RBFOX1: variants seen among roughly 807,000 people sequenced by gnomAD.
RBFOX1 encodes the protein RNA binding fox-1 homolog 1.
Under a neutral mutation model 57.7 loss-of-function variants are expected in RBFOX1, and 8 were observed. The ratio of observed to expected loss-of-function variants is 0.14; its 90% CI spans 0.08 to 0.25. RBFOX1 has a LOEUF of 0.25. RBFOX1 is among the 10% of genes least tolerant of loss of function. The probability of loss-of-function intolerance (pLI) is 1.00; values close to 1 mark genes in which losing one functional copy is unlikely to be tolerated. For synonymous variants in RBFOX1, 326 were observed against 222.4 expected (o/e 1.47, Z -4.15); for missense variants, 611 against 548.5 (o/e 1.11, Z -1.14).
intron 6 of RBFOX1, among the ~76,000 whole-genome samples, chr16:7,586,354 T>C (rs2094125983): frequency 6.6e-6 from 1 of 152,188 alleles, no homozygotes; most frequent in Non-Finnish European, 1.5e-5. Flanking sequence ...TGCCCCTAGT[T>C]CTAGAGCCCA....
intron 2 of RBFOX1, among the ~76,000 whole-genome samples, chr16:6,415,513 CA>C (rs1368290071): frequency 1.3e-5 from 2 of 151,756 alleles, no homozygotes; most frequent in East Asian, 3.9e-4. Flanking sequence ...CCAGCCTGGC[CA>C]ATATGATGAA....
intron 3 of RBFOX1, among the ~76,000 whole-genome samples, chr16:5,712,202 T>G (rs758448): frequency 3.9e-5 from 6 of 152,088 alleles, no homozygotes; most frequent in Non-Finnish European, 8.8e-5. Context: ...CCAGGTCCCT[T>G]CTTCAACACC....
intron 1 of RBFOX1, among the ~76,000 whole-genome samples, chr16:6,203,992 T>A (rs924214099): frequency 1.9e-4 from 29 of 151,776 alleles, no homozygotes; most frequent in African/African-American, 7.0e-4. Context: ...TTTTTTTTTT[T>A]TTTCGTGAAT....
intron 3 of RBFOX1, among the ~76,000 whole-genome samples, chr16:6,738,366 G>A (rs571465018): frequency 6.6e-6 from 1 of 152,076 alleles, no homozygotes; most frequent in African/African-American, 2.4e-5. Flanking sequence ...CTGAGGGTCC[G>A]GGGAGCAAGG....
chr16:6,938,759 C>G (rs937483030), intron 3 of RBFOX1, among the ~76,000 whole-genome samples: 1 of 151,978 alleles, frequency 6.6e-6, no homozygotes, highest in Non-Finnish European at 1.5e-5. Flanking sequence ...GGGTGAAACC[C>G]TGTCTGTACT....
intron 2 of RBFOX1, among the ~76,000 whole-genome samples, chr16:5,544,951 CT>C (rs59873374): frequency 8.0e-6 from 1 of 124,362 alleles, no homozygotes; most frequent in Non-Finnish European, 1.6e-5. Flanking sequence ...CTATTACATT[CT>C]TTTTTTTTTT....
chr16:7,585,641 C>T (rs540942932), intron 6 of RBFOX1, among the ~76,000 whole-genome samples: 1 of 152,256 alleles, frequency 6.6e-6, no homozygotes, highest in South Asian at 2.1e-4. Flanking sequence ...GTTACTTTGT[C>T]CCATAGTCAG....
intron 4 of RBFOX1, among the ~76,000 whole-genome samples, chr16:7,146,089 A>G (rs1276178217): frequency 6.6e-6 from 1 of 152,180 alleles, no homozygotes; most frequent in Non-Finnish European, 1.5e-5. Context: ...GCAAGAATGA[A>G]TTTTAAAATG....
At position 7,032,308 on chromosome 16, in the gene RBFOX1, G is replaced by T. The variant is rs1027293841; in HGVS notation, c.-15-19749G>T. Among the ~76,000 whole-genome samples the T allele has an allele frequency of 2.6e-5, 4 of 151,940 alleles. No individual in the cohort carries two copies. In the East Asian group the frequency reaches 7.8e-4, roughly 29 times the overall value. On this transcript the variant is annotated intron_variant, in intron 3 of 15. Transcript: ENST00000550418. ...AAAACAAAAAAATTTAGCTGGGTGT[G>T]GTGGGAGGAGCCTGTAGTCCTAGCT...
chr16:6,607,394 C>T (rs1433118408), intron 2 of RBFOX1, among the ~76,000 whole-genome samples: 2 of 151,374 alleles, frequency 1.3e-5, no homozygotes, highest in Admixed American at 6.6e-5. Flanking sequence ...TTATCATAAG[C>T]AGTTAGGTCT....
chr16:6,773,903 G>C (rs938653051), intron 3 of RBFOX1: 19 of 960,980 alleles, frequency 2.0e-5, no homozygotes, highest in African/African-American at 5.3e-5. Flanking sequence ...TGGGCATGGA[G>C]TGCATTTGCG....
intron 4 of RBFOX1, among the ~76,000 whole-genome samples, chr16:5,943,921 C>G (rs183669164): frequency 6.6e-6 from 1 of 151,922 alleles, no homozygotes; most frequent in East Asian, 1.9e-4. Flanking sequence ...ATCCACTCCT[C>G]CTCTGTCTTT....
intron 3 of RBFOX1, among the ~76,000 whole-genome samples, chr16:6,722,180 A>T (rs958890725): frequency 6.6e-6 from 1 of 152,320 alleles, no homozygotes; most frequent in East Asian, 1.9e-4. Flanking sequence ...TGGAATTACC[A>T]GATCATGTGA....
At chr16:6,717,043 G>T (rs1353968567) in intron 3 of RBFOX1, among the ~76,000 whole-genome samples, 3 of 152,314 alleles carry the variant, frequency 2.0e-5, no homozygotes, top group East Asian at 1.9e-4. Flanking sequence ...TGAGGATACA[G>T]TGAGAAGGCT....
At chr16:6,699,818 TG>T (rs1388968731) in intron 3 of RBFOX1, among the ~76,000 whole-genome samples, 1 of 152,096 alleles carries the variant, frequency 6.6e-6, no homozygotes, top group African/African-American at 2.4e-5. Flanking sequence ...AAACTCATGA[TG>T]GTTGTATGTA....
chr16:7,508,766 G>A (rs539801504), intron 4 of RBFOX1, among the ~76,000 whole-genome samples: 11 of 152,030 alleles, frequency 7.2e-5, no homozygotes, highest in Non-Finnish European at 1.6e-4. Context: ...TCTTCCAGGC[G>A]GTCTCTTCCA....
intron 3 of RBFOX1, among the ~76,000 whole-genome samples, chr16:5,641,531 C>T (rs11867075): frequency 6.6e-6 from 1 of 152,184 alleles, no homozygotes; most frequent in Non-Finnish European, 1.5e-5. Flanking sequence ...GGCACAGGGT[C>T]ACTGTGCCAC....
rs187006891 is a variant in RBFOX1, at chr16:6,035,316, G to C, written c.-127+15324G>C. On this transcript the variant is annotated intron_variant, in intron 1 of 15. Coordinates refer to ENST00000550418, the MANE Select transcript of RBFOX1 (RefSeq NM_018723.4). ...TCTTCCATTCAGCCGTCTCAGCCAAGGGACACTCATTTAGTTCTTCCCCAA... is the reference window on the plus strand; with the variant it reads ...TCTTCCATTCAGCCGTCTCAGCCAACGGACACTCATTTAGTTCTTCCCCAA... 6.6e-5 allele frequency among the ~76,000 whole-genome samples: 10 copies of C among 152,320 alleles called. No homozygotes were observed. In the East Asian group the frequency reaches 1.9e-3, roughly 29 times the overall value.
intron 3 of RBFOX1, among the ~76,000 whole-genome samples, chr16:6,974,546 TA>T (rs1304484563): frequency 9.2e-5 from 14 of 151,928 alleles, no homozygotes; most frequent in Admixed American, 3.3e-4. Flanking sequence ...GGTTTCATCA[TA>T]TTGGCCAGGC....
Sources: gnomAD v4.1 joint callset for allele counts (sites outside exome capture counted in the v4.1 genomes callset) on GRCh38, gnomAD v4.1.1 for gene constraint, MANE v1.5 for transcripts, NCBI Gene and HGNC (gene_info 2026-07-23, HGNC 2026-07-21) for gene names.